ADAMTSL1: variants seen among roughly 807,000 people sequenced by gnomAD.
ADAMTSL1 encodes ADAMTS like 1.
A neutral mutation model predicts 201.8 loss-of-function variants in ADAMTSL1; 126 were observed. The ratio of observed to expected loss-of-function variants is 0.62; its 90% CI spans 0.54 to 0.72. The LOEUF (loss-of-function observed/expected upper bound fraction) is 0.72, where lower values mean the gene tolerates loss of function less well. Ranked by LOEUF, ADAMTSL1 falls within the 30% of genes least tolerant of loss-of-function variation. ADAMTSL1 has a pLI of 0.00. For synonymous variants in ADAMTSL1, 1,121 were observed against 903.4 expected (o/e 1.24, Z -4.32); for missense variants, 2,679 against 2,277.8 (o/e 1.18, Z -3.59).
At chr9:18,670,489 A>G (rs770778269) in intron 9 of ADAMTSL1, among the ~76,000 whole-genome samples, 1 of 152,216 alleles carries the variant, frequency 6.6e-6, no homozygotes, top group Non-Finnish European at 1.5e-5. Context: ...ACCACTCTCC[A>G]TATCAGACTG....
At chr9:18,061,308 C>G (rs1292866448) in intron 1 of ADAMTSL1, among the ~76,000 whole-genome samples, 1 of 152,166 alleles carries the variant, frequency 6.6e-6, no homozygotes, top group Non-Finnish European at 1.5e-5. Flanking sequence ...AGTAGCTTTT[C>G]TTTCACATAG....
At chr9:18,809,315 G>A (rs543637864) in intron 20 of ADAMTSL1, among the ~76,000 whole-genome samples, 77 of 152,312 alleles carry the variant, frequency 5.1e-4, no homozygotes, top group African/African-American at 1.7e-3. Context: ...GAAGAGAGCC[G>A]TGCAGAAGTC....
intron 2 of ADAMTSL1, among the ~76,000 whole-genome samples, chr9:18,313,279 A>G (rs1834226678): frequency 6.6e-6 from 1 of 152,224 alleles, no homozygotes; most frequent in Admixed American, 6.5e-5. Context: ...CTTACCGTAA[A>G]AAGAATTTTC....
chr9:18,507,325 G>T (rs181333867), intron 2 of ADAMTSL1, among the ~76,000 whole-genome samples: 21 of 152,256 alleles, frequency 1.4e-4, no homozygotes, highest in Admixed American at 1.1e-3. Context: ...GATTTTAAAA[G>T]GAGCAAAACT....
chr9:18,009,698 C>G (rs763653916), intron 1 of ADAMTSL1, among the ~76,000 whole-genome samples: 3 of 151,992 alleles, frequency 2.0e-5, no homozygotes, highest in East Asian at 1.9e-4. Flanking sequence ...GAAAATTTAA[C>G]TAGCCACACA....
intron 1 of ADAMTSL1, among the ~76,000 whole-genome samples, chr9:18,156,988 C>A (rs1239107762): frequency 6.6e-6 from 1 of 152,008 alleles, no homozygotes; most frequent in African/African-American, 2.4e-5. Context: ...GCTGTTTTAT[C>A]ATCTTATATA....
intron 2 of ADAMTSL1, among the ~76,000 whole-genome samples, chr9:18,366,676 G>C (rs1836783996): frequency 1.7e-5 from 2 of 120,302 alleles, no homozygotes; most frequent in Non-Finnish European, 3.2e-5. Flanking sequence ...TTAAGACAGA[G>C]TCTCAGTCTG....
chr9:18,092,539 T>C (rs1824074867), intron 1 of ADAMTSL1, among the ~76,000 whole-genome samples: 2 of 152,232 alleles, frequency 1.3e-5, no homozygotes, highest in Non-Finnish European at 2.9e-5. Flanking sequence ...ATGTGGATAA[T>C]TGAGAAATGA....
chr9:18,690,536 A>G (rs1307418484), intron 13 of ADAMTSL1, among the ~76,000 whole-genome samples: 2 of 152,200 alleles, frequency 1.3e-5, no homozygotes, highest in South Asian at 2.1e-4. Flanking sequence ...TTATGTGTAG[A>G]AACAGGTGAG....
chr9:18,903,978 A>G (rs1376047804), intron 26 of ADAMTSL1, among the ~76,000 whole-genome samples: 1 of 150,170 alleles, frequency 6.7e-6, no homozygotes, highest in Admixed American at 6.6e-5. Context: ...TTTTTTTTAG[A>G]GATGGGGTCT....
chr9:18,113,788 A>G (rs1396491980), intron 1 of ADAMTSL1, among the ~76,000 whole-genome samples: 1 of 152,140 alleles, frequency 6.6e-6, no homozygotes, highest in East Asian at 1.9e-4. Context: ...GTATATTGAT[A>G]TTAAAGTATG....
At chr9:18,515,270 A>G (rs1169046556) in intron 2 of ADAMTSL1, among the ~76,000 whole-genome samples, 4 of 152,294 alleles carry the variant, frequency 2.6e-5, no homozygotes, top group Admixed American at 2.0e-4. Flanking sequence ...TAGTGCAATG[A>G]TGAGGTTTAT....
At chr9:17,953,226 C>T (rs1278179174) in intron 1 of ADAMTSL1, among the ~76,000 whole-genome samples, 1 of 152,132 alleles carries the variant, frequency 6.6e-6, no homozygotes, top group African/African-American at 2.4e-5. Flanking sequence ...GTTGATGCTA[C>T]AACCCTTAAT....
chr9:18,155,379 G>C (rs1173780029), intron 1 of ADAMTSL1, among the ~76,000 whole-genome samples: 1 of 151,964 alleles, frequency 6.6e-6, no homozygotes, highest in East Asian at 1.9e-4. Context: ...AGCCAGTCTG[G>C]GTGATGATGA....
chr9:18,897,581 G>A (rs1829725217), intron 26 of ADAMTSL1, among the ~76,000 whole-genome samples: 1 of 152,186 alleles, frequency 6.6e-6, no homozygotes, highest in Non-Finnish European at 1.5e-5. Flanking sequence ...GGAAAACCTA[G>A]GCAACTAGGG....
intron 2 of ADAMTSL1, among the ~76,000 whole-genome samples, chr9:18,318,450 C>T (rs1041903832): frequency 6.6e-6 from 1 of 152,182 alleles, no homozygotes; most frequent in African/African-American, 2.4e-5. Context: ...TTCTGAGTAG[C>T]AGTAATCTAC....
chr9:17,928,712 C>T (rs112927831), intron 1 of ADAMTSL1, among the ~76,000 whole-genome samples: 24 of 152,076 alleles, frequency 1.6e-4, no homozygotes, highest in Non-Finnish European at 2.6e-4. Flanking sequence ...GAGTTCAAGA[C>T]GAGCCTGGGT....
At chr9:18,650,846 C>G (rs1198958964) in intron 7 of ADAMTSL1, among the ~76,000 whole-genome samples, 2 of 152,058 alleles carry the variant, frequency 1.3e-5, no homozygotes. Flanking sequence ...GGTGTGTGAC[C>G]TTAAGAATAT....
chr9:18,827,137 A>C (rs1222873047), intron 22 of ADAMTSL1, among the ~76,000 whole-genome samples: 1 of 148,820 alleles, frequency 6.7e-6, no homozygotes, highest in Non-Finnish European at 1.5e-5. Flanking sequence ...TCCCCCACTG[A>C]GTCTGGGTGC....
Sources: gnomAD v4.1 joint callset for allele counts (sites outside exome capture counted in the v4.1 genomes callset) on GRCh38, gnomAD v4.1.1 for gene constraint, MANE v1.5 for transcripts, NCBI Gene and HGNC (gene_info 2026-07-23, HGNC 2026-07-21) for gene names.